Variants in ROCK1 observed in about 807,000 individuals in gnomAD.
ROCK1 encodes rho-associated protein kinase 1.
In ROCK1, 36 loss-of-function variants were observed where a neutral mutation model predicts 196.8. That is an observed-to-expected ratio of 0.18 (90% CI 0.14 to 0.24). The LOEUF (loss-of-function observed/expected upper bound fraction) is 0.24. ROCK1 is among the 10% of genes least tolerant of loss of function. The pLI is 1.00. For missense variants in ROCK1, 920 were observed against 1,562.0 expected (o/e 0.59, Z 6.93); for synonymous variants, 443 against 515.9 (o/e 0.86, Z 1.91).
chr18:20,960,284 A>G lies in ROCK1; in HGVS notation c.3353-78T>C, dbSNP rs2035314607. ...AAACTATTAAAAGTTGTCTGACAGC[A>G]TGCAGCAACAAGCAATTGAACACAA... On this transcript the variant is annotated intron_variant, in intron 27 of 32. Transcript: ENST00000399799. 4 of 853,032 alleles carry G rather than the reference A, an allele frequency of 4.7e-6. No homozygotes were observed. The Admixed American group carries it at 5.6e-5, about 12-fold the overall frequency. The allele number at this position is 853,032 out of a possible 1,614,324, so 52.8% of individuals were successfully genotyped here. A position where few individuals can be genotyped will look rare whatever the true frequency, so the allele number is the denominator to read the frequency against.
chr18:21,028,182 C>T (rs2035976862), intron 10 of ROCK1, among the ~76,000 whole-genome samples: 1 of 151,202 alleles, frequency 6.6e-6, no homozygotes, highest in Admixed American at 6.6e-5. Flanking sequence ...CTTTGGGAGG[C>T]CGAGGCAGGC....
intron 1 of ROCK1, among the ~76,000 whole-genome samples, chr18:21,074,818 A>G (rs62089211): frequency 0.085 from 12,933 of 152,318 alleles, 791 homozygotes; most frequent in Non-Finnish European, 0.14. Flanking sequence ...AAGTGTTATA[A>G]GTAGGTACTA....
chr18:21,105,044 A>G (rs1013655315), intron 1 of ROCK1, among the ~76,000 whole-genome samples: 8 of 152,230 alleles, frequency 5.3e-5, no homozygotes, highest in Non-Finnish European at 1.0e-4. Flanking sequence ...TGACTAGTAT[A>G]TAACAGAAAT....
chr18:21,027,554 C>T (rs1269888424), intron 10 of ROCK1, among the ~76,000 whole-genome samples: 2 of 152,184 alleles, frequency 1.3e-5, no homozygotes, highest in South Asian at 2.1e-4. Flanking sequence ...CTTCTAAGTG[C>T]TGTACTGTGT....
intron 1 of ROCK1, among the ~76,000 whole-genome samples, chr18:21,104,329 C>T (rs1327465371): frequency 6.6e-6 from 1 of 152,128 alleles, no homozygotes; most frequent in Non-Finnish European, 1.5e-5. Context: ...CAGGGTGCGG[C>T]GCTCATGCCT....
In ROCK1 at chr18:21,020,673, A is replaced by G. The variant is rs1345965135; in HGVS notation, c.1273-434T>C. ...TCCTTGAGTTGAGGCCTAAAAGATA[A>G]GAAGAACTGATAATCTGATAAAGCA... On this transcript the variant is annotated intron_variant, in intron 11 of 32. Coordinates refer to ENST00000399799, the MANE Select transcript of ROCK1 (RefSeq NM_005406.3). Among the ~76,000 whole-genome samples, 3 of 152,310 alleles carry G rather than the reference A, an allele frequency of 2.0e-5. No individual in the cohort carries two copies. The East Asian group carries it at 5.8e-4, about 29-fold the overall frequency.
chr18:21,057,272 T>C (rs143966797), intron 2 of ROCK1, among the ~76,000 whole-genome samples: 5 of 152,238 alleles, frequency 3.3e-5, no homozygotes, highest in African/African-American at 9.6e-5. Flanking sequence ...CTATGCAACA[T>C]ATTCAGCAAG....
At chr18:21,095,535 A>T (rs1354435012) in intron 1 of ROCK1, among the ~76,000 whole-genome samples, 1 of 152,246 alleles carries the variant, frequency 6.6e-6, no homozygotes, top group Non-Finnish European at 1.5e-5. Flanking sequence ...AAAAGAATAA[A>T]ATCCTATCAT....
intron 19 of ROCK1, among the ~76,000 whole-genome samples, chr18:20,986,151 G>A (rs1220569063): frequency 2.0e-5 from 3 of 152,116 alleles, no homozygotes; most frequent in Non-Finnish European, 4.4e-5. Flanking sequence ...GTCAGCCAAC[G>A]TGCCTGGCCA....
intron 1 of ROCK1, among the ~76,000 whole-genome samples, chr18:21,078,068 C>T (rs1291387946): frequency 6.6e-6 from 1 of 152,190 alleles, no homozygotes; most frequent in East Asian, 1.9e-4. Context: ...GTGGCTCATG[C>T]CTGTAATCCC....
intron 10 of ROCK1, among the ~76,000 whole-genome samples, chr18:21,027,732 T>G (rs1290518542): frequency 6.7e-6 from 1 of 149,010 alleles, no homozygotes; most frequent in East Asian, 1.9e-4. Context: ...ATGGTAAAAT[T>G]TGGGGAGGAA....
intron 13 of ROCK1, among the ~76,000 whole-genome samples, chr18:21,013,243 T>C (rs2035833805): frequency 6.6e-6 from 1 of 152,256 alleles, no homozygotes; most frequent in Admixed American, 6.5e-5. Context: ...GAAGGTCTCC[T>C]CTGACACTGT....
At chr18:20,986,632 T>C (rs982687856) in intron 19 of ROCK1, among the ~76,000 whole-genome samples, 11 of 152,224 alleles carry the variant, frequency 7.2e-5, no homozygotes, top group Non-Finnish European at 1.6e-4. Flanking sequence ...TTTGGGGATA[T>C]AAGATGCATT....
intron 32 of ROCK1, among the ~76,000 whole-genome samples, chr18:20,951,698 T>C (rs1264264888): frequency 6.6e-6 from 1 of 152,140 alleles, no homozygotes; most frequent in Non-Finnish European, 1.5e-5. Context: ...ATACCTGGCA[T>C]AGTATGGTGG....
intron 6 of ROCK1, among the ~76,000 whole-genome samples, chr18:21,043,554 TATGTATATACATATACATA>T (rs930625933): frequency 3.2e-4 from 45 of 142,122 alleles, no homozygotes; most frequent in Middle Eastern, 3.6e-3. Flanking sequence ...TTATTTATTA[TATGTATATACATATACATA>T]ATGTATATGT....
In ROCK1 at chr18:20,967,746, C is replaced by A. The variant is rs747284841; in HGVS notation, c.3192+6G>T. ...ACTCATATCCATACACACACAGAAA[C>A]CTTACCGCTTGCATGTCATTCAGTT... On this transcript the variant is annotated splice_donor_region_variant and intron_variant, in intron 26 of 32. Transcript: ENST00000399799. 2 of 1,583,224 alleles carry A rather than the reference C, an allele frequency of 1.3e-6. No homozygotes were observed. Among genetic ancestry groups the A allele is most frequent in the Non-Finnish European group, 1.7e-6 (2 of 1,167,928 alleles).
intron 1 of ROCK1, among the ~76,000 whole-genome samples, chr18:21,104,285 T>C (rs1356852967): frequency 2.0e-5 from 3 of 152,230 alleles, no homozygotes; most frequent in Non-Finnish European, 4.4e-5. Context: ...ATTTTATATG[T>C]AGTTCCTTCT....
intron 1 of ROCK1, among the ~76,000 whole-genome samples, chr18:21,095,681 G>A (rs776736895): frequency 4.4e-4 from 67 of 151,474 alleles, no homozygotes; most frequent in Non-Finnish European, 8.8e-4. Flanking sequence ...GACAGAGATA[G>A]GAAGGGTAGT....
At chr18:21,086,463 T>C (rs1177675281) in intron 1 of ROCK1, among the ~76,000 whole-genome samples, 1 of 152,288 alleles carries the variant, frequency 6.6e-6, no homozygotes, top group African/African-American at 2.4e-5. Flanking sequence ...AAAATTCTTA[T>C]ACAAATTATC....
Sources: allele counts gnomAD v4.1 joint callset (sites outside exome capture counted in the v4.1 genomes callset), GRCh38; gene constraint gnomAD v4.1.1; transcripts MANE v1.5; gene names NCBI Gene and HGNC (gene_info 2026-07-23, HGNC 2026-07-21).